Variants in AQR observed in about 807,000 individuals in gnomAD.
AQR encodes RNA helicase aquarius.
Under a neutral mutation model 180.5 loss-of-function variants are expected in AQR, and 61 were observed. The ratio of observed to expected loss-of-function variants is 0.34; its 90% CI spans 0.28 to 0.42. The LOEUF (loss-of-function observed/expected upper bound fraction) is 0.42. Among genes scored for constraint, AQR ranks in the 10% least tolerant of loss-of-function variants. The pLI, the probability that AQR is intolerant of heterozygous loss-of-function variation, is 1.00. For missense variants in AQR, 1,281 were observed against 1,798.3 expected, an observed-to-expected ratio of 0.71 and a Z score of 5.20; for synonymous variants, 551 against 588.8, an observed-to-expected ratio of 0.94 and a Z score of 0.93.
rs191720804 is a variant in AQR at position 34,897,230 on chromosome 15, C to T, written c.2391-264G>A. 3.3e-5 allele frequency among the ~76,000 whole-genome samples: 5 copies of T among 152,222 alleles called. No individual in the cohort carries two copies. The East Asian group carries it at 9.7e-4, about 29-fold the overall frequency. On this transcript the variant is annotated intron_variant, in intron 21 of 34. Coordinates refer to ENST00000156471, the MANE Select transcript of AQR (RefSeq NM_014691.3). ...TTCCATTCTAATACTAAATATAATGCCAATTTACTAGTTATGGCACACATG... is the reference window on the plus strand; with the variant it reads ...TTCCATTCTAATACTAAATATAATGTCAATTTACTAGTTATGGCACACATG...
chr15:34,916,695 C>T (rs1221385789), intron 15 of AQR, among the ~76,000 whole-genome samples: 1 of 151,444 alleles, frequency 6.6e-6, no homozygotes, highest in African/African-American at 2.4e-5. Context: ...GATGAAAGAA[C>T]ACACCACCAC....
At chr15:34,890,346 G>A (rs1210699702) in intron 23 of AQR, 22 bp from the exon 24 acceptor site, 1 of 1,594,548 alleles carries the variant, frequency 6.3e-7, no homozygotes, top group East Asian at 2.2e-5. Flanking sequence ...AGCAAGAAGG[G>A]TGACGGCACC....
At chr15:34,869,694 T>C (rs1345308969) in intron 31 of AQR, 1 of 152,174 alleles carries the variant, frequency 6.6e-6, no homozygotes. Flanking sequence ...TATGAAGTAT[T>C]CTGTGCAGTG....
chr15:34,896,464 C>CT (rs1013260941), intron 22 of AQR, among the ~76,000 whole-genome samples: 6 of 151,474 alleles, frequency 4.0e-5, no homozygotes, highest in African/African-American at 1.5e-4. Flanking sequence ...CTTGTAAACG[C>CT]TTAAATTCAG....
Position 34,910,221 on chromosome 15 carries a change from T to G in AQR, c.1577A>C (p.Asn526Thr). Reference sequence around the variant, plus strand: ...TCGGGTTGGCCAGTTTTCACCTATGTTGGGTTTGGCCACTTCAACGACAGT... The same window carrying G: ...TCGGGTTGGCCAGTTTTCACCTATGGTGGGTTTGGCCACTTCAACGACAGT... ...AFTVVEVAKP[N>T]IGENWPTRVR... The change falls in exon 17 of 35, where the codon AAC becomes ACC. Residue 526 changes from asparagine (N) to threonine (T), a missense_variant. Around this residue, in one of 9 missense-constraint regions of AQR, gnomAD observed 200 missense variants for 293.4 expected, o/e 0.68. Coordinates refer to ENST00000156471, the MANE Select transcript of AQR (RefSeq NM_014691.3). The G allele has an allele frequency of 6.2e-7, 1 of 1,614,230 alleles. No homozygotes were observed. Among genetic ancestry groups the G allele is most frequent in the Non-Finnish European group, 8.5e-7 (1 of 1,180,034 alleles).
chr15:34,904,593 G>T, intron 18 of AQR, 88 bp from the exon 19 acceptor site: 1 of 1,291,918 alleles, frequency 7.7e-7, no homozygotes, highest in Non-Finnish European at 1.1e-6. Context: ...TAGAAATGGT[G>T]AGTAAATGGT....
At position 34,881,013 on chromosome 15, in the gene AQR, G is replaced by A. The variant is rs2140466509; in HGVS notation, c.3165+1489C>T. The stretch of plus-strand genomic sequence containing the variant: ...ACTCATGCTAACTACCCGTTGACGT[G>A]TAGCATGATTTAAATGTAGAAAATG... On this transcript the variant is annotated intron_variant, in intron 27 of 34. Coordinates refer to ENST00000156471, the MANE Select transcript of AQR (RefSeq NM_014691.3). 2.0e-5 allele frequency among the ~76,000 whole-genome samples: 3 copies of A among 152,256 alleles called. No individual in the cohort carries two copies. The South Asian group carries it at 6.2e-4, about 32-fold the overall frequency.
At chr15:34,858,554 G>A (rs1472906256) in intron 34 of AQR, among the ~76,000 whole-genome samples, 1 of 152,106 alleles carries the variant, frequency 6.6e-6, no homozygotes, top group Non-Finnish European at 1.5e-5. Flanking sequence ...TTTAAAAACT[G>A]CAGCATGCTT....
intron 17 of AQR, among the ~76,000 whole-genome samples, chr15:34,909,872 C>A (rs953937857): frequency 2.6e-5 from 4 of 152,116 alleles, no homozygotes; most frequent in Non-Finnish European, 5.9e-5. Context: ...GCTTTGCAAA[C>A]TTCAGTTTTC....
intron 20 of AQR, 59 bp from the exon 21 acceptor site, chr15:34,897,764 T>C (rs1485484724): frequency 2.1e-5 from 33 of 1,567,896 alleles, no homozygotes; most frequent in Non-Finnish European, 2.8e-5. Flanking sequence ...TGAGTACCTA[T>C]CTGGTGCATG....
At chr15:34,886,087 T>C (rs1595786480) in intron 25 of AQR, among the ~76,000 whole-genome samples, 1 of 152,312 alleles carries the variant, frequency 6.6e-6, no homozygotes, top group Admixed American at 6.5e-5. Flanking sequence ...CAAGACCCAC[T>C]GTGCAATTAG....
In AQR at chr15:34,930,391, T is replaced by C. The variant is rs760289860; in HGVS notation, c.901-20A>G. 3 of 1,354,706 alleles carry C rather than the reference T, an allele frequency of 2.2e-6. No homozygotes were observed. The highest frequency in any genetic ancestry group is 1.2e-5 in the South Asian group (1 of 85,500). 83.9% of individuals were successfully genotyped at this position (1,354,706 alleles called of 1,614,324 possible). On this transcript the variant is annotated intron_variant, in intron 11 of 34. Transcript: ENST00000156471. Reference sequence around the variant, plus strand: ...CAAAAGCTGAAGAAACACATTTACATGTATAAATCATATGAACATAAGGGC... The same window carrying C: ...CAAAAGCTGAAGAAACACATTTACACGTATAAATCATATGAACATAAGGGC...
intron 5 of AQR, 134 bp downstream of exon 5, chr15:34,948,130 T>A (rs1894157163): frequency 3.0e-6 from 3 of 999,054 alleles, no homozygotes; most frequent in Middle Eastern, 2.2e-4. Context: ...ACATACCCAT[T>A]CTTTTTCTCA....
intron 27 of AQR, 55 bp from the exon 28 acceptor site, chr15:34,876,061 T>A: frequency 7.8e-7 from 1 of 1,290,260 alleles, no homozygotes; most frequent in South Asian, 1.3e-5. Context: ...ACAACTACCA[T>A]CATAAACATA....
intron 24 of AQR, among the ~76,000 whole-genome samples, chr15:34,887,711 T>C (rs1451032755): frequency 6.6e-6 from 1 of 152,218 alleles, no homozygotes; most frequent in Non-Finnish European, 1.5e-5. Flanking sequence ...GTTGTTCCCA[T>C]GTTTAAAGAC....
intron 27 of AQR, among the ~76,000 whole-genome samples, chr15:34,880,290 G>A (rs1595784748): frequency 1.3e-5 from 2 of 152,108 alleles, no homozygotes; most frequent in East Asian, 1.9e-4. Context: ...TGAAAGATAC[G>A]GGAGGATGTA....
intron 2 of AQR, among the ~76,000 whole-genome samples, chr15:34,963,256 C>T (rs55919023): frequency 0.013 from 1,954 of 152,254 alleles, 25 homozygotes; most frequent in Non-Finnish European, 0.021. Flanking sequence ...TAGGATTATA[C>T]GCATGAGCCA....
chr15:34,900,527 T>G lies in AQR; in HGVS notation c.2243+95A>C. On this transcript the variant is annotated intron_variant, in intron 20 of 34. Transcript: ENST00000156471. ...GGACTGCTAAAACAAAATCCAAATA[T>G]AGTACTCAAAACTCACTTTAGCTAA... The G allele has an allele frequency of 2.1e-6, 3 of 1,455,640 alleles. No homozygotes were observed. In the East Asian group the frequency reaches 6.9e-5, roughly 33 times the overall value. 90.2% of individuals were successfully genotyped at this position (1,455,640 alleles called of 1,614,324 possible).
chr15:34,914,465 A>G (rs1444002105), intron 16 of AQR, among the ~76,000 whole-genome samples: 1 of 152,172 alleles, frequency 6.6e-6, no homozygotes, highest in Non-Finnish European at 1.5e-5. Flanking sequence ...AACTGGCCCT[A>G]AAAGTAAATC....
Sources: allele counts gnomAD v4.1 joint callset (sites outside exome capture counted in the v4.1 genomes callset), GRCh38; gene constraint gnomAD v4.1.1; regional missense constraint gnomAD v4.1.1; transcripts MANE v1.5; gene names NCBI Gene and HGNC (gene_info 2026-07-23, HGNC 2026-07-21).